PTPRK: variants seen among roughly 807,000 people sequenced by gnomAD.
PTPRK encodes protein tyrosine phosphatase receptor type K.
Under a neutral mutation model 178.0 loss-of-function variants are expected in PTPRK, and 75 were observed. The ratio of observed to expected loss-of-function variants is 0.42; its 90% CI spans 0.35 to 0.51. The LOEUF (loss-of-function observed/expected upper bound fraction) is 0.51. Ranked by LOEUF, PTPRK falls within the 20% of genes least tolerant of loss-of-function variation. PTPRK has a pLI of 0.02. For synonymous variants in PTPRK, 637 were observed against 620.6 expected, an observed-to-expected ratio of 1.03 and a Z score of -0.39; for missense variants, 1,441 against 1,797.8, an observed-to-expected ratio of 0.80 and a Z score of 3.59.
At chr6:128,019,901 GT>G (rs1215573773) in intron 13 of PTPRK, among the ~76,000 whole-genome samples, 1 of 152,090 alleles carries the variant, frequency 6.6e-6, no homozygotes, top group Admixed American at 6.6e-5. Flanking sequence ...GATGGTGTGG[GT>G]TTTTTTAAGT....
At chr6:128,054,016 C>A (rs1016490496) in intron 13 of PTPRK, among the ~76,000 whole-genome samples, 16 of 152,206 alleles carry the variant, frequency 1.1e-4, no homozygotes, top group African/African-American at 3.6e-4. Flanking sequence ...CAAAATGTTA[C>A]ATATAGCTGG....
intron 3 of PTPRK, 100 bp downstream of exon 3, chr6:128,321,939 A>G: frequency 6.7e-7 from 1 of 1,491,696 alleles, no homozygotes; most frequent in Non-Finnish European, 9.3e-7. Context: ...CAAGAGGGCA[A>G]TCTCTCATTA....
chr6:128,447,628 C>CTTT (rs35289749), intron 1 of PTPRK, among the ~76,000 whole-genome samples: 25 of 138,568 alleles, frequency 1.8e-4, no homozygotes, highest in African/African-American at 3.7e-4. Flanking sequence ...AAAACCGTGC[C>CTTT]TTTTTTTTTT....
rs546106884 is a variant in PTPRK, at chr6:128,130,632, C to T, written c.1163-40640G>A. ...GGTTAAACAAACTAATCCTGATCAC[C>T]GTAAGACTTGTGAGCCTTGAAAATG... On this transcript the variant is annotated intron_variant, in intron 7 of 29. Coordinates refer to ENST00000368226, the MANE Select transcript of PTPRK (RefSeq NM_002844.4). Among the ~76,000 whole-genome samples the T allele has an allele frequency of 3.3e-5, 5 of 152,248 alleles. No individual in the cohort carries two copies. The South Asian group carries it at 6.2e-4, about 19-fold the overall frequency.
chr6:128,316,249 C>T (rs1350106786), intron 3 of PTPRK, among the ~76,000 whole-genome samples: 1 of 152,168 alleles, frequency 6.6e-6, no homozygotes, highest in African/African-American at 2.4e-5. Context: ...AAGCAAAGAA[C>T]TGGTATCTCT....
chr6:128,170,691 AAAG>A (rs1388525899), intron 7 of PTPRK, among the ~76,000 whole-genome samples: 4 of 152,024 alleles, frequency 2.6e-5, no homozygotes, highest in African/African-American at 4.8e-5. Flanking sequence ...TGTTGTCACT[AAAG>A]AAGAAGAAAT....
intron 2 of PTPRK, among the ~76,000 whole-genome samples, chr6:128,391,768 C>T (rs894767140): frequency 6.6e-6 from 1 of 151,714 alleles, no homozygotes; most frequent in East Asian, 1.9e-4. Context: ...AAATGTGTTC[C>T]ATGGCATATA....
intron 3 of PTPRK, among the ~76,000 whole-genome samples, chr6:128,315,601 A>G (rs979883869): frequency 6.6e-6 from 1 of 152,172 alleles, no homozygotes; most frequent in African/African-American, 2.4e-5. Context: ...TTTAGTGTCC[A>G]AAGTTTGTTT....
chr6:128,276,207 TGTAA>T (rs1414084097), intron 3 of PTPRK, among the ~76,000 whole-genome samples: 1 of 152,106 alleles, frequency 6.6e-6, no homozygotes, highest in African/African-American at 2.4e-5. Flanking sequence ...TTATGGTATC[TGTAA>T]GTAATTTAAA....
At chr6:128,097,970 T>C (rs896598157) in intron 7 of PTPRK, among the ~76,000 whole-genome samples, 7 of 152,130 alleles carry the variant, frequency 4.6e-5, no homozygotes, top group African/African-American at 1.7e-4. Context: ...TTAGAGGAGC[T>C]GTACATAGCA....
intron 2 of PTPRK, among the ~76,000 whole-genome samples, chr6:128,376,171 C>T (rs1183483733): frequency 2.6e-5 from 4 of 152,106 alleles, no homozygotes; most frequent in Non-Finnish European, 5.9e-5. Context: ...GGGCATCAAC[C>T]CCACATTTCC....
chr6:128,057,029 T>C (rs903673604), intron 13 of PTPRK, among the ~76,000 whole-genome samples: 1 of 152,098 alleles, frequency 6.6e-6, no homozygotes, highest in East Asian at 1.9e-4. Flanking sequence ...TAGGGAAGGA[T>C]TTGGGGGAGA....
intron 1 of PTPRK, among the ~76,000 whole-genome samples, chr6:128,494,457 G>T (rs1854367489): frequency 6.6e-6 from 1 of 152,022 alleles, no homozygotes; most frequent in Admixed American, 6.5e-5. Flanking sequence ...TTTGTGATCC[G>T]CCAGACTTGC....
At chr6:128,133,146 CAG>C (rs1220454793) in intron 7 of PTPRK, among the ~76,000 whole-genome samples, 5 of 152,054 alleles carry the variant, frequency 3.3e-5, no homozygotes, top group Admixed American at 2.0e-4. Flanking sequence ...GAAAAACAAA[CAG>C]AAATTTGACA....
At chr6:128,129,432 T>A (rs940381087) in intron 7 of PTPRK, among the ~76,000 whole-genome samples, 1 of 152,178 alleles carries the variant, frequency 6.6e-6, no homozygotes, top group African/African-American at 2.4e-5. Context: ...AGAACACCCA[T>A]TAGCTTTGAT....
At chr6:128,352,267 A>AAG (rs1488228869) in intron 2 of PTPRK, among the ~76,000 whole-genome samples, 7 of 151,314 alleles carry the variant, frequency 4.6e-5, no homozygotes, top group East Asian at 3.9e-4. Flanking sequence ...AAAAAAAAAA[A>AAG]AAAAGAAATA....
At chr6:128,002,868 A>G (rs1562415043) in intron 15 of PTPRK, among the ~76,000 whole-genome samples, 1 of 151,918 alleles carries the variant, frequency 6.6e-6, no homozygotes, top group African/African-American at 2.4e-5. Flanking sequence ...CTAGTTATTC[A>G]GGCAACATTG....
intron 1 of PTPRK, among the ~76,000 whole-genome samples, chr6:128,432,772 A>ACACACACACACC (rs965738083): frequency 4.5e-4 from 68 of 150,946 alleles, no homozygotes; most frequent in African/African-American, 1.4e-3. Flanking sequence ...ACACACACAC[A>ACACACACACACC]CCCTAACTCA....
chr6:128,115,387 C>A (rs1231802221), intron 7 of PTPRK, among the ~76,000 whole-genome samples: 1 of 151,692 alleles, frequency 6.6e-6, no homozygotes, highest in African/African-American at 2.4e-5. Context: ...TCTCCACTTT[C>A]CCACACATGT....
Sources: gnomAD v4.1 joint callset for allele counts (sites outside exome capture counted in the v4.1 genomes callset) on GRCh38, gnomAD v4.1.1 for gene constraint, MANE v1.5 for transcripts, NCBI Gene and HGNC (gene_info 2026-07-23, HGNC 2026-07-21) for gene names.